The following PCDHGB5 variants were observed in gnomAD, a reference collection of about 807,000 sequenced individuals.
PCDHGB5 encodes the protein protocadherin gamma subfamily B, 5.
A neutral mutation model predicts 62.9 loss-of-function variants in PCDHGB5; 48 were observed. The ratio of observed to expected loss-of-function variants is 0.76; its 90% confidence interval spans 0.61 to 0.97. The LOEUF (loss-of-function observed/expected upper bound fraction) is 0.97. Ranked by LOEUF, PCDHGB5 falls within the 50% of genes least tolerant of loss-of-function variation. The probability of loss-of-function intolerance (pLI) is 0.00; values close to 1 mark genes in which losing one functional copy is unlikely to be tolerated. For synonymous variants in PCDHGB5, 474 were observed against 511.2 expected (o/e 0.93, Z 0.98); for missense variants, 1,118 against 1,198.6 (o/e 0.93, Z 0.99).
chr5:141,446,757 G>A (rs769049265), intron 1 of PCDHGB5, among the ~76,000 whole-genome samples: 10 of 152,158 alleles, frequency 6.6e-5, no homozygotes, highest in African/African-American at 1.4e-4. Context: ...GTGAGCCACC[G>A]CGCCCAGCCG....
Position 141,486,657 on chromosome 5 carries a change from T to C in PCDHGB5, c.2398-8150T>C. Reference sequence around the variant, plus strand: ...AATGCGCTTATCTCCTACTCACTCCTGGAGCCCAGGAATCGAGATGTATCA... The same window carrying C: ...AATGCGCTTATCTCCTACTCACTCCCGGAGCCCAGGAATCGAGATGTATCA... On this transcript the variant is annotated intron_variant, in intron 1 of 3. Transcript: ENST00000617380. The surrounding 1 kb of genome is among the most constrained non-coding windows in gnomAD (Gnocchi z 5.0). The C allele has an allele frequency of 6.2e-7, 1 of 1,614,010 alleles. No individual in the cohort carries two copies. Among genetic ancestry groups the C allele is most frequent in the Non-Finnish European group, 8.5e-7 (1 of 1,180,030 alleles).
At chr5:141,483,761 GA>G (rs1376816525) in intron 1 of PCDHGB5, among the ~76,000 whole-genome samples, 1 of 152,118 alleles carries the variant, frequency 6.6e-6, no homozygotes, top group African/African-American at 2.4e-5. Flanking sequence ...TCGAGGCTTG[GA>G]AAAATATTGG....
chr5:141,404,429 G>A (rs760246804), intron 1 of PCDHGB5: 1 of 1,613,682 alleles, frequency 6.2e-7, no homozygotes, highest in East Asian at 2.2e-5. Flanking sequence ...CTCCTTGGCA[G>A]AGGATACCAT....
At chr5:141,405,415 G>A in intron 1 of PCDHGB5, 4 of 1,559,568 alleles carry the variant, frequency 2.6e-6, no homozygotes, top group African/African-American at 1.4e-5. Flanking sequence ...TTCTTTTTTT[G>A]TTTTTTGTTT....
chr5:141,504,836 C>A (rs550489904), intron 2 of PCDHGB5, among the ~76,000 whole-genome samples: 2 of 152,200 alleles, frequency 1.3e-5, no homozygotes, highest in East Asian at 3.9e-4. Context: ...TTTTCTCTAG[C>A]TCTGGAACAT....
chr5:141,489,592 C>A lies in PCDHGB5; in HGVS notation c.2398-5215C>A, dbSNP rs747085985. On this transcript the variant is annotated intron_variant, in intron 1 of 3. Coordinates refer to ENST00000617380, the MANE Select transcript of PCDHGB5 (RefSeq NM_018925.3). The surrounding 1 kb of genome is among the most constrained non-coding windows in gnomAD (Gnocchi z 4.5). ...GACTGAACACCCCCTGGAGCTAATCCGTGTAGAGGTAGAGATCCTGGATCT... is the reference window on the plus strand; with the variant it reads ...GACTGAACACCCCCTGGAGCTAATCAGTGTAGAGGTAGAGATCCTGGATCT... 3 of 1,614,046 alleles carry A rather than the reference C, an allele frequency of 1.9e-6. No homozygotes were observed. Among genetic ancestry groups the A allele is most frequent in the Non-Finnish European group, 2.5e-6 (3 of 1,179,978 alleles).
intron 1 of PCDHGB5, chr5:141,419,367 C>T (rs1157934416): frequency 6.2e-7 from 1 of 1,613,652 alleles, no homozygotes; most frequent in Admixed American, 1.7e-5. Context: ...ACGCTGTCGT[C>T]CTACGTGTCC....
At chr5:141,481,879 A>G (rs1204365605) in intron 1 of PCDHGB5, among the ~76,000 whole-genome samples, 1 of 144,890 alleles carries the variant, frequency 6.9e-6, no homozygotes, top group Non-Finnish European at 1.5e-5. Context: ...GCGCCACTGC[A>G]CTCCAGCCTG....
intron 1 of PCDHGB5, among the ~76,000 whole-genome samples, chr5:141,406,450 G>T (rs2094811564): frequency 6.6e-6 from 1 of 152,194 alleles, no homozygotes; most frequent in South Asian, 2.1e-4. Flanking sequence ...CCATTTCTAT[G>T]ACAGGAAAAC....
chr5:141,419,943 C>G (rs2096450865), intron 1 of PCDHGB5: 4 of 1,614,070 alleles, frequency 2.5e-6, no homozygotes, highest in Non-Finnish European at 3.4e-6. Flanking sequence ...CTGGTGGTGG[C>G]CTTGGCCTTG....
At position 141,487,943 on chromosome 5, in the gene PCDHGB5, A is replaced by C. The variant is rs2099669443; in HGVS notation, c.2398-6864A>C. ...TACAGTGCACAGGGTACAGTGCACCAGGCAGTCACTTGGACAAAGGTGGCT... is the reference window on the plus strand; with the variant it reads ...TACAGTGCACAGGGTACAGTGCACCCGGCAGTCACTTGGACAAAGGTGGCT... On this transcript the variant is annotated intron_variant, in intron 1 of 3. Coordinates refer to ENST00000617380, the MANE Select transcript of PCDHGB5 (RefSeq NM_018925.3). The surrounding 1 kb of genome is among the most constrained non-coding windows in gnomAD (Gnocchi z 5.0). Among the ~76,000 whole-genome samples, 1 of 152,220 alleles carries C rather than the reference A, an allele frequency of 6.6e-6. No homozygotes were observed.
intron 1 of PCDHGB5, among the ~76,000 whole-genome samples, chr5:141,442,633 C>A (rs1210890820): frequency 6.6e-6 from 1 of 152,158 alleles, no homozygotes; most frequent in Admixed American, 6.5e-5. Flanking sequence ...AGCAGCAAGA[C>A]CAAAGGCCTA....
At chr5:141,470,139 A>AT (rs146570937) in intron 1 of PCDHGB5, among the ~76,000 whole-genome samples, 7,047 of 152,316 alleles carry the variant, frequency 0.046, 200 homozygotes, top group Middle Eastern at 0.092. Flanking sequence ...AAAAAAAAAG[A>AT]TCATAGATCA....
Position 141,476,187 on chromosome 5 carries a change from G to A in PCDHGB5, c.2398-18620G>A. 6.2e-7 allele frequency: 1 copy of A among 1,613,782 alleles called. No individual in the cohort carries two copies. The highest frequency in any genetic ancestry group is 1.1e-5 in the South Asian group (1 of 91,072). ...GTAGTGGGAGTTTTGCTTCTGCTTG[G>A]TGCCTTGAACAAGGCTTCCACGGTC... On this transcript the variant is annotated intron_variant, in intron 1 of 3. Coordinates refer to ENST00000617380, the MANE Select transcript of PCDHGB5 (RefSeq NM_018925.3). This position sits in a 1 kb window ranked among gnomAD's most constrained non-coding sequence, Gnocchi z 7.6.
intron 3 of PCDHGB5, among the ~76,000 whole-genome samples, chr5:141,510,354 G>A (rs1311482557): frequency 2.1e-5 from 3 of 146,300 alleles, no homozygotes; most frequent in Non-Finnish European, 4.5e-5. Flanking sequence ...ACTTACTAAC[G>A]GAACTACCGA....
In PCDHGB5 at chr5:141,489,621, T is replaced by C. The variant is rs765666746; in HGVS notation, c.2398-5186T>C. 29 of 1,613,978 alleles carry C rather than the reference T, an allele frequency of 1.8e-5. No individual in the cohort carries two copies. The highest frequency in any genetic ancestry group is 1.6e-4 in the Middle Eastern group (1 of 6,084). On this transcript the variant is annotated intron_variant, in intron 1 of 3. Transcript: ENST00000617380. The surrounding 1 kb of genome is among the most constrained non-coding windows in gnomAD (Gnocchi z 4.5). ...TAGAGGTAGAGATCCTGGATCTCAATGACAACTCTCCTAGCTTTGCCACCC... is the reference window on the plus strand; with the variant it reads ...TAGAGGTAGAGATCCTGGATCTCAACGACAACTCTCCTAGCTTTGCCACCC...
chr5:141,414,828 G>T (rs780047810), intron 1 of PCDHGB5: 1 of 1,614,210 alleles, frequency 6.2e-7, no homozygotes, highest in East Asian at 2.2e-5. Context: ...GCAACGTGTC[G>T]TTGAGCCTGT....
rs1223618064 is a variant in PCDHGB5 at position 141,512,867 on chromosome 5, C to T, written c.*1694C>T. On this transcript the variant is annotated 3_prime_UTR_variant, in exon 4 of 4. Transcript: ENST00000617380. The stretch of plus-strand genomic sequence containing the variant: ...ATAAGCGCTTCTCTTCGCATAGTCA[C>T]GTAGCTCCCACCCCACCCTCTTCCT... 1 of 152,184 alleles carries T rather than the reference C, an allele frequency of 6.6e-6. No homozygotes were observed. The highest frequency in any genetic ancestry group is 1.5e-5 in the Non-Finnish European group (1 of 68,056). The allele number at this position is 152,184 out of a possible 1,614,324, so 9.4% of individuals were successfully genotyped here. A position where few individuals can be genotyped will look rare whatever the true frequency, so the allele number is the denominator to read the frequency against.
rs562872139 is a variant in PCDHGB5 at position 141,408,923 on chromosome 5, G to A, written c.2397+8399G>A. The A allele has an allele frequency of 5.6e-6, 9 of 1,613,488 alleles. No individual in the cohort carries two copies. The African/African-American group carries it at 1.1e-4, about 19-fold the overall frequency. ...CAAGGATACCAATGATAACCCCCCG[G>A]TTTTCAGCAGAGACGAATATAGAAT... On this transcript the variant is annotated intron_variant, in intron 1 of 3. Coordinates refer to ENST00000617380, the MANE Select transcript of PCDHGB5 (RefSeq NM_018925.3).
Sources: allele counts gnomAD v4.1 joint callset (sites outside exome capture counted in the v4.1 genomes callset), GRCh38; gene constraint gnomAD v4.1.1; non-coding constraint Gnocchi (gnomAD v3.1); transcripts MANE v1.5; gene names NCBI Gene and HGNC (gene_info 2026-07-23, HGNC 2026-07-21).